The following USH2A variants were observed in gnomAD, a reference collection of about 807,000 sequenced individuals.
USH2A encodes the protein usherin.
Under a neutral mutation model 538.9 loss-of-function variants are expected in USH2A, and 443 were observed. That is an observed-to-expected ratio of 0.82 (90% confidence interval 0.76 to 0.89). USH2A has a LOEUF of 0.89. Ranked by LOEUF, USH2A falls within the 40% of genes least tolerant of loss-of-function variation. USH2A has a pLI of 0.00. For missense variants in USH2A, 6,633 were observed against 6,324.8 expected, an observed-to-expected ratio of 1.05 and a Z score of -1.65; for synonymous variants, 2,413 against 2,273.5, an observed-to-expected ratio of 1.06 and a Z score of -1.75.
chr1:216,101,443 T>C (rs753300679), intron 21 of USH2A, among the ~76,000 whole-genome samples: 1 of 152,200 alleles, frequency 6.6e-6, no homozygotes, highest in Non-Finnish European at 1.5e-5. Context: ...GTGACTTGTG[T>C]TGGCCAAAGA....
chr1:215,678,569 A>G (rs1367792918), intron 62 of USH2A, among the ~76,000 whole-genome samples: 2 of 152,264 alleles, frequency 1.3e-5, no homozygotes, highest in African/African-American at 4.8e-5. Context: ...AAATAGCCTG[A>G]GCAGGCATAA....
At chr1:216,422,663 T>C (rs2039699452) in intron 1 of USH2A, 123 bp from the exon 2 acceptor site, 1 of 304,494 alleles carries the variant, frequency 3.3e-6, no homozygotes, top group African/African-American at 2.1e-5. Flanking sequence ...AAAAAACATT[T>C]TGAAGCACAG....
chr1:216,011,941 C>A (rs1373694170), intron 32 of USH2A, among the ~76,000 whole-genome samples: 4 of 130,998 alleles, frequency 3.1e-5, no homozygotes, highest in Admixed American at 8.1e-5. Context: ...ATATTTCCTT[C>A]TTTCCTGTTC....
chr1:216,011,775 A>C (rs1263003822), intron 32 of USH2A, among the ~76,000 whole-genome samples: 1 of 151,832 alleles, frequency 6.6e-6, no homozygotes, highest in African/African-American at 2.4e-5. Flanking sequence ...TTTCTGCTCC[A>C]CGGCTCCTTC....
chr1:216,417,125 A>G (rs558126672), intron 3 of USH2A, among the ~76,000 whole-genome samples: 1 of 152,050 alleles, frequency 6.6e-6, no homozygotes, highest in Admixed American at 6.6e-5. Context: ...TTTGTGTATC[A>G]TTTCAACCCT....
chr1:216,246,483 A>G, intron 13 of USH2A, 102 bp downstream of exon 13: 1 of 1,488,804 alleles, frequency 6.7e-7, no homozygotes, highest in East Asian at 2.3e-5. Context: ...GATTTTGGAA[A>G]TAAAATTTGT....
chr1:215,675,165 G>A lies in USH2A; in HGVS notation c.12746C>T (p.Thr4249Ile). 1 of 1,614,062 alleles carries A rather than the reference G, an allele frequency of 6.2e-7. No homozygotes were observed. Among genetic ancestry groups the A allele is most frequent in the East Asian group, 2.2e-5 (1 of 44,858 alleles). Residue 4249 changes from threonine (T) to isoleucine (I), a missense_variant, in exon 63 of 72, where the codon ACC becomes ATC. Physicochemically the swap from Thr to Ile is moderately conservative, Grantham distance 89 (BLOSUM62 -1). Coordinates refer to ENST00000307340, the MANE Select transcript of USH2A (RefSeq NM_206933.4). ...CCTCACCACATTCCAAGAGCTACAG[G>A]TATGCCCAGCTGAATTCCAAGTGTA... Reference protein sequence around the residue: ...KIYTWNSAGHTCSSWNVVRTL... With the variant: ...KIYTWNSAGHICSSWNVVRTL...
At chr1:216,212,683 T>TTG (rs10654206) in intron 15 of USH2A, among the ~76,000 whole-genome samples, 136,160 of 147,528 alleles carry the variant, frequency 0.92, 62,736 homozygotes, top group East Asian at 0.99. Context: ...GTGTGTGTGT[T>TTG]TGTGTGTGTG....
At chr1:216,037,552 A>T (rs929392668) in intron 32 of USH2A, among the ~76,000 whole-genome samples, 2 of 152,084 alleles carry the variant, frequency 1.3e-5, no homozygotes, top group Non-Finnish European at 2.9e-5. Context: ...TCCTATTACA[A>T]TTATTTGATA....
chr1:216,231,782 G>A (rs1009637993), intron 14 of USH2A, among the ~76,000 whole-genome samples, 171 bp downstream of exon 14: 6 of 151,948 alleles, frequency 3.9e-5, no homozygotes, highest in African/African-American at 7.3e-5. Context: ...TCTTGACCTC[G>A]GACCTCGTGA....
chr1:216,060,489 T>C (rs1337594426), intron 30 of USH2A, among the ~76,000 whole-genome samples: 1 of 152,224 alleles, frequency 6.6e-6, no homozygotes, highest in East Asian at 1.9e-4. Flanking sequence ...TTAAAATGTC[T>C]TTTTCTTTAC....
chr1:216,181,530 C>A (rs1476652241), intron 20 of USH2A, among the ~76,000 whole-genome samples: 1 of 152,052 alleles, frequency 6.6e-6, no homozygotes, highest in Non-Finnish European at 1.5e-5. Context: ...ACATGGTGAA[C>A]AAACACTACC....
At chr1:215,883,003 G>A (rs553793221) in intron 41 of USH2A, among the ~76,000 whole-genome samples, 2 of 152,202 alleles carry the variant, frequency 1.3e-5, no homozygotes, top group Admixed American at 6.5e-5. Flanking sequence ...AAAAGTTGGG[G>A]AAATTCACTT....
chr1:215,667,305 T>C (rs371704389), intron 64 of USH2A, among the ~76,000 whole-genome samples: 131 of 152,238 alleles, frequency 8.6e-4, no homozygotes, highest in African/African-American at 3.0e-3. Flanking sequence ...ATCAAGCTGG[T>C]TATATGAATT....
chr1:216,048,506 G>C, intron 31 of USH2A, 28 bp downstream of exon 31: 1 of 1,590,452 alleles, frequency 6.3e-7, no homozygotes, highest in Non-Finnish European at 8.6e-7. Context: ...CTGAAATGTG[G>C]AAGTCAAGAC....
chr1:215,635,633 G>A (rs1054366406), intron 69 of USH2A, among the ~76,000 whole-genome samples: 3 of 151,686 alleles, frequency 2.0e-5, no homozygotes, highest in Non-Finnish European at 4.4e-5. Flanking sequence ...TCCGCTCACT[G>A]CAACCTCTGC....
intron 37 of USH2A, among the ~76,000 whole-genome samples, chr1:215,954,851 C>T (rs1158681137): frequency 1.3e-5 from 2 of 152,134 alleles, no homozygotes; most frequent in Non-Finnish European, 2.9e-5. Context: ...TCATCTGTGC[C>T]ATTCTTTTCT....
Position 215,842,809 on chromosome 1 carries a change from G to T in USH2A, c.9258+1485C>A, listed in dbSNP as rs1240838301. Among the ~76,000 whole-genome samples, 3 of 151,890 alleles carry T rather than the reference G, an allele frequency of 2.0e-5. No individual in the cohort carries two copies. The South Asian group carries it at 6.2e-4, about 32-fold the overall frequency. Reference sequence around the variant, plus strand: ...GGAACAACACACACTGGGGCCTGTTGGGGGGGCATCAGGGGAGGGAGATCA... The same window carrying T: ...GGAACAACACACACTGGGGCCTGTTTGGGGGGCATCAGGGGAGGGAGATCA... On this transcript the variant is annotated intron_variant, in intron 46 of 71. Transcript: ENST00000307340.
At chr1:216,121,053 A>C (rs1417398098) in intron 21 of USH2A, among the ~76,000 whole-genome samples, 1 of 152,224 alleles carries the variant, frequency 6.6e-6, no homozygotes, top group Non-Finnish European at 1.5e-5. Context: ...CATTTATTTA[A>C]GAGGTGAACA....
Sources: gnomAD v4.1 joint callset for allele counts (sites outside exome capture counted in the v4.1 genomes callset) on GRCh38, gnomAD v4.1.1 for gene constraint, MANE v1.5 for transcripts, NCBI Gene and HGNC (gene_info 2026-07-23, HGNC 2026-07-21) for gene names.